Variants in CEP164 observed in about 807,000 individuals in gnomAD.
CEP164 encodes the protein centrosomal protein of 164 kDa.
In CEP164, 162 loss-of-function variants were observed where a neutral mutation model predicts 182.7. The ratio of observed to expected loss-of-function variants is 0.89; its 90% CI spans 0.78 to 1.01. The LOEUF (loss-of-function observed/expected upper bound fraction) is 1.01, where lower values mean the gene tolerates loss of function less well. Among genes scored for constraint, CEP164 ranks in the 50% least tolerant of loss-of-function variants. The probability of loss-of-function intolerance (pLI) is 0.00; values close to 1 mark genes in which losing one functional copy is unlikely to be tolerated. For synonymous variants in CEP164, 661 were observed against 690.0 expected (o/e 0.96, Z 0.66); for missense variants, 1,735 against 1,790.4 (o/e 0.97, Z 0.56).
At chr11:117,397,668 A>G (rs552307638) in intron 27 of CEP164, among the ~76,000 whole-genome samples, 4 of 152,266 alleles carry the variant, frequency 2.6e-5, no homozygotes, top group South Asian at 4.2e-4. Context: ...GCAGCAAGAG[A>G]AAATGAGGAA....
chr11:117,374,408 C>T (rs775379287), intron 10 of CEP164, among the ~76,000 whole-genome samples: 1 of 152,136 alleles, frequency 6.6e-6, no homozygotes, highest in Non-Finnish European at 1.5e-5. Context: ...TTTGGCAGAG[C>T]ATTACCTCCA....
chr11:117,408,159 G>C lies in CEP164; in HGVS notation c.3609+127G>C, dbSNP rs2046927665. Reference sequence around the variant, plus strand: ...TCTAGGGCCCAGGATTGGGCAGTAGGCTTGTCTACTGGCTGATGAAGGTGG... The same window carrying C: ...TCTAGGGCCCAGGATTGGGCAGTAGCCTTGTCTACTGGCTGATGAAGGTGG... On this transcript the variant is annotated intron_variant, in intron 28 of 32. Transcript: ENST00000278935. 3.6e-5 allele frequency: 22 copies of C among 616,438 alleles called. No individual in the cohort carries two copies. In the South Asian group the frequency reaches 4.3e-4, roughly 12 times the overall value. 38.2% of individuals were successfully genotyped at this position (616,438 alleles called of 1,614,324 possible).
At chr11:117,396,679 A>G (rs11608213) in intron 26 of CEP164, 68 bp downstream of exon 26, 3 of 1,256,316 alleles carry the variant, frequency 2.4e-6, no homozygotes, top group African/African-American at 3.0e-5. Context: ...TACCTGCATC[A>G]TAGAGCTGGG....
chr11:117,337,510 T>TAAAAAAAAAA lies in CEP164; in HGVS notation c.-21-1051_-21-1042dup, dbSNP rs55864956. Among the ~76,000 whole-genome samples, 121 of 128,850 alleles carry TAAAAAAAAAA rather than the reference T, an allele frequency of 9.4e-4. 3 individuals carry two copies. Among genetic ancestry groups the TAAAAAAAAAA allele is most frequent in the African/African-American group, 2.1e-3 (71 of 34,168 alleles). 84.5% of individuals were successfully genotyped at this position (128,850 alleles called of 152,430 possible). On this transcript the variant is annotated intron_variant, in intron 2 of 32. Coordinates refer to ENST00000278935, the MANE Select transcript of CEP164 (RefSeq NM_014956.5). ...GCAACATAGTGAGACACCATCTCTG[T>TAAAAAAAAAA]AAAAAAAAAAAAAAGTAAAATATAT... is the stretch of plus-strand genomic sequence containing the variant.
intron 27 of CEP164, among the ~76,000 whole-genome samples, chr11:117,402,340 C>T (rs1181993396): frequency 6.6e-6 from 1 of 152,032 alleles, no homozygotes; most frequent in Non-Finnish European, 1.5e-5. Flanking sequence ...CCTGCTTCAG[C>T]CTCCTGAGTA....
intron 2 of CEP164, among the ~76,000 whole-genome samples, chr11:117,337,425 T>TTA (rs2037339199): frequency 6.6e-6 from 1 of 150,926 alleles, no homozygotes; most frequent in South Asian, 2.1e-4. Context: ...TGTATTTTTC[T>TTA]TACTTTGAGA....
At position 117,412,168 on chromosome 11, in the gene CEP164, A is replaced by G; in HGVS notation, c.4383A>G (p.Ter1461TrpextTer57). 1.2e-6 allele frequency: 2 copies of G among 1,613,870 alleles called. No individual in the cohort carries two copies. The highest frequency in any genetic ancestry group is 1.7e-6 in the Non-Finnish European group (2 of 1,179,884). Residue 1461 changes from the stop codon to tryptophan, a stop_lost, in exon 33 of 33, where the codon TGA (stop) becomes TGG (tryptophan). Transcript: ENST00000278935. Reference sequence around the variant, plus strand: ...ACAGAGTGAAGGTGTATCGCTTCTGAGGCCCTGAGCAGGGGCTTGGGGCAG... The same window carrying G: ...ACAGAGTGAAGGTGTATCGCTTCTGGGGCCCTGAGCAGGGGCTTGGGGCAG... ...EHNRVKVYRF[*>W]
chr11:117,394,059 C>G lies in CEP164; in HGVS notation c.2617-291C>G, dbSNP rs1049498938. On this transcript the variant is annotated intron_variant, in intron 20 of 32. Coordinates refer to ENST00000278935, the MANE Select transcript of CEP164 (RefSeq NM_014956.5). This position sits in a 1 kb window ranked among gnomAD's most constrained non-coding sequence, Gnocchi z 4.0. ...AATAGTGATAATTTATCAGTGACCTCTCATTCCTTACAGAGGAAAAGTTGT... is the reference window on the plus strand; with the variant it reads ...AATAGTGATAATTTATCAGTGACCTGTCATTCCTTACAGAGGAAAAGTTGT... Among the ~76,000 whole-genome samples the G allele has an allele frequency of 1.4e-4, 21 of 152,246 alleles. No individual in the cohort carries two copies. The highest frequency in any genetic ancestry group is 5.1e-4 in the African/African-American group (21 of 41,454).
At chr11:117,328,852 T>G (rs1357435165) in intron 1 of CEP164, among the ~76,000 whole-genome samples, 3 of 152,198 alleles carry the variant, frequency 2.0e-5, no homozygotes, top group African/African-American at 7.2e-5. Flanking sequence ...TGAACACATC[T>G]AGAAATGATA....
rs949338488 is a variant in CEP164 at position 117,362,653 on chromosome 11, C to T, written c.687+115C>T. 10 of 1,174,202 alleles carry T rather than the reference C, an allele frequency of 8.5e-6. No homozygotes were observed. In the African/African-American group the frequency reaches 1.5e-4, roughly 18 times the overall value. The allele number at this position is 1,174,202 out of a possible 1,614,324, so 72.7% of individuals were successfully genotyped here. The stretch of plus-strand genomic sequence containing the variant: ...GTAACATAAAATTTGCCCTTTTAAC[C>T]ATTTTAAAGTTAAAATTCAGTGGTA... On this transcript the variant is annotated intron_variant, in intron 7 of 32. Coordinates refer to ENST00000278935, the MANE Select transcript of CEP164 (RefSeq NM_014956.5).
In CEP164 at chr11:117,396,074, A is replaced by G. The variant is rs1248164090; in HGVS notation, c.3110A>G (p.Gln1037Arg). The change falls in exon 25 of 33, where the codon CAA (glutamine) becomes CGA (arginine). Residue 1037 changes from glutamine to arginine, a missense_variant. Transcript: ENST00000278935. ...CACAGCAGCCTGGAGGCTGAAGCTC[A>G]AAAGAAGCAGCACCTGTTGAGAGAA... ...KHFSSLEAEAQKKQHLLREVT... is the reference protein window; with the variant it reads ...KHFSSLEAEARKKQHLLREVT... The G allele has an allele frequency of 6.2e-7, 1 of 1,614,126 alleles. No homozygotes were observed. The highest frequency in any genetic ancestry group is 8.5e-7 in the Non-Finnish European group (1 of 1,179,976).
In CEP164 at chr11:117,409,960, T is replaced by A. The variant is rs143693029; in HGVS notation, c.4091T>A (p.Phe1364Tyr). The stretch of plus-strand genomic sequence containing the variant: ...CTGTTGGAGAAGTGGCGCAAGTATT[T>A]TCCATGTAAGCCCCACTCTGGGCGG... ...DFLLEKWRKY[F>Y]PSGIPLLSNS... The change falls in exon 30 of 33, where the codon TTT becomes TAT. Residue 1364 changes from phenylalanine to tyrosine, a missense_variant. Transcript: ENST00000278935. This position sits in a 1 kb window ranked among gnomAD's most constrained non-coding sequence, Gnocchi z 4.4. 19 of 1,613,958 alleles carry A rather than the reference T, an allele frequency of 1.2e-5. No homozygotes were observed. In the African/African-American group the frequency reaches 2.5e-4, roughly 22 times the overall value.
At chr11:117,332,609 T>A (rs953437199) in intron 1 of CEP164, among the ~76,000 whole-genome samples, 1 of 152,064 alleles carries the variant, frequency 6.6e-6, no homozygotes, top group Non-Finnish European at 1.5e-5. Flanking sequence ...ATAATAATAT[T>A]GAGAGAAATC....
At chr11:117,338,719 A>T (rs896412609) in intron 3 of CEP164, 51 bp downstream of exon 3, 1 of 1,357,532 alleles carries the variant, frequency 7.4e-7, no homozygotes, top group Admixed American at 1.7e-5. Flanking sequence ...TTTTTTGAGG[A>T]CAGGGATTGT....
chr11:117,394,543 T>C lies in CEP164; in HGVS notation c.2760+50T>C, dbSNP rs1288057907. ...CCCACTGTGACCCCTCCATGCACAGTAGGAAGGTGCTGGGAGCAGACGCAT... is the reference window on the plus strand; with the variant it reads ...CCCACTGTGACCCCTCCATGCACAGCAGGAAGGTGCTGGGAGCAGACGCAT... On this transcript the variant is annotated intron_variant, in intron 21 of 32. Transcript: ENST00000278935. This position sits in a 1 kb window ranked among gnomAD's most constrained non-coding sequence, Gnocchi z 4.0. 4 of 1,601,150 alleles carry C rather than the reference T, an allele frequency of 2.5e-6. No homozygotes were observed. The highest frequency in any genetic ancestry group is 1.1e-5 in the South Asian group (1 of 89,596).
intron 1 of CEP164, among the ~76,000 whole-genome samples, chr11:117,334,322 A>G (rs973985365): frequency 2.0e-5 from 3 of 152,260 alleles, no homozygotes; most frequent in East Asian, 1.9e-4. Context: ...TCTTTAACTC[A>G]TTGGCCTTTT....
upstream of CEP164, among the ~76,000 whole-genome samples, chr11:117,324,529 T>C (rs996398971): frequency 6.6e-6 from 1 of 152,048 alleles, no homozygotes; most frequent in Non-Finnish European, 1.5e-5. Flanking sequence ...GGGGGCATTT[T>C]ATAAATTGGC....
chr11:117,406,814 A>T (rs981522287), intron 27 of CEP164, among the ~76,000 whole-genome samples: 6 of 152,182 alleles, frequency 3.9e-5, no homozygotes, highest in African/African-American at 1.4e-4. Flanking sequence ...GATGGTGCTC[A>T]GCCAGGCGCA....
chr11:117,385,130 C>T (rs2043798056), intron 14 of CEP164: 1 of 152,304 alleles, frequency 6.6e-6, no homozygotes, highest in Admixed American at 6.5e-5. Context: ...CGCTCTCTTT[C>T]TTCCCTGTCT....
Sources: allele counts gnomAD v4.1 joint callset (sites outside exome capture counted in the v4.1 genomes callset), GRCh38; gene constraint gnomAD v4.1.1; non-coding constraint Gnocchi (gnomAD v3.1); transcripts MANE v1.5; gene names NCBI Gene and HGNC (gene_info 2026-07-23, HGNC 2026-07-21).